RBMS3: variants seen among roughly 807,000 people sequenced by gnomAD.
RBMS3 encodes the protein RNA-binding motif, single-stranded-interacting protein 3.
A neutral mutation model predicts 66.8 loss-of-function variants in RBMS3; 27 were observed. That is an observed-to-expected ratio of 0.40 (90% CI 0.30 to 0.56). RBMS3 has a LOEUF of 0.56. Among genes scored for constraint, RBMS3 ranks in the 20% least tolerant of loss-of-function variants. The pLI, the probability that RBMS3 is intolerant of heterozygous loss-of-function variation, is 0.40. For missense variants in RBMS3, 513 were observed against 549.5 expected, an observed-to-expected ratio of 0.93 and a Z score of 0.66; for synonymous variants, 188 against 183.0, an observed-to-expected ratio of 1.03 and a Z score of -0.22.
intron 10 of RBMS3, among the ~76,000 whole-genome samples, chr3:29,905,315 T>C (rs951756461): frequency 7.2e-5 from 11 of 152,190 alleles, no homozygotes; most frequent in African/African-American, 1.7e-4. Context: ...TTAATCACTA[T>C]AGATTTAAAA....
chr3:29,903,405 G>T (rs886947174), intron 10 of RBMS3, among the ~76,000 whole-genome samples: 1 of 151,930 alleles, frequency 6.6e-6, no homozygotes, highest in Non-Finnish European at 1.5e-5. Context: ...AATGTAGTTG[G>T]TTATTTGCTT....
chr3:29,873,187 C>A (rs910808908), intron 7 of RBMS3, among the ~76,000 whole-genome samples: 4 of 152,044 alleles, frequency 2.6e-5, no homozygotes, highest in African/African-American at 9.7e-5. Flanking sequence ...GCAGTATGAC[C>A]ATTTTAATGA....
intron 1 of RBMS3, among the ~76,000 whole-genome samples, chr3:29,285,795 C>T (rs554546607): frequency 3.9e-5 from 6 of 152,236 alleles, no homozygotes; most frequent in Admixed American, 6.5e-5. Flanking sequence ...AATGAGCAAA[C>T]GCTTGAAAAC....
intron 4 of RBMS3, among the ~76,000 whole-genome samples, chr3:29,613,496 T>C (rs1007817360): frequency 6.6e-6 from 1 of 152,132 alleles, no homozygotes; most frequent in Non-Finnish European, 1.5e-5. Context: ...CTGGCTCAGT[T>C]GAAACACAGA....
At chr3:29,618,093 A>G (rs2048729814) in intron 4 of RBMS3, among the ~76,000 whole-genome samples, 2 of 152,218 alleles carry the variant, frequency 1.3e-5, no homozygotes, top group Non-Finnish European at 2.9e-5. Flanking sequence ...TTGTTTGGGT[A>G]AAAGAGATAG....
At chr3:29,342,743 G>A (rs1345300082) in intron 1 of RBMS3, among the ~76,000 whole-genome samples, 6 of 152,078 alleles carry the variant, frequency 3.9e-5, no homozygotes, top group South Asian at 2.1e-4. Context: ...AAACCTATAC[G>A]TAGTGGTTGA....
intron 8 of RBMS3, among the ~76,000 whole-genome samples, chr3:29,895,181 C>T (rs111484225): frequency 4.3e-4 from 65 of 151,542 alleles, no homozygotes; most frequent in Non-Finnish European, 6.8e-4. Context: ...GAGTGTTATT[C>T]GTCTTTGTTA....
chr3:29,929,545 A>G lies in RBMS3; in HGVS notation c.940-6541A>G, dbSNP rs184073750. ...TTAGGATTCTTTTAAAGGGATTTCC[A>G]TGGCTAAAACTAATTTGGCTTTAGT... On this transcript the variant is annotated intron_variant, in intron 10 of 14. Coordinates refer to ENST00000383767, the MANE Select transcript of RBMS3 (RefSeq NM_001003793.3). 7.2e-3 allele frequency among the ~76,000 whole-genome samples: 1,098 copies of G among 152,210 alleles called. 13 individuals are homozygous for G. Among genetic ancestry groups the G allele is most frequent in the African/African-American group, 0.025 (1,037 of 41,550 alleles).
At chr3:29,556,760 C>A (rs1475504064) in intron 3 of RBMS3, among the ~76,000 whole-genome samples, 1 of 152,144 alleles carries the variant, frequency 6.6e-6, no homozygotes, top group Non-Finnish European at 1.5e-5. Context: ...TGTGACTGTT[C>A]TTCCTAGGGC....
chr3:29,752,770 T>G (rs1395020808), intron 5 of RBMS3, among the ~76,000 whole-genome samples: 1 of 152,100 alleles, frequency 6.6e-6, no homozygotes, highest in Admixed American at 6.6e-5. Flanking sequence ...AAATTTACAA[T>G]CACAAAAACA....
intron 4 of RBMS3, among the ~76,000 whole-genome samples, chr3:29,729,309 G>T (rs549620765): frequency 6.6e-6 from 1 of 152,016 alleles, no homozygotes; most frequent in East Asian, 1.9e-4. Flanking sequence ...CCCTGAAAAG[G>T]ACATGAACTC....
intron 4 of RBMS3, among the ~76,000 whole-genome samples, chr3:29,720,104 C>CCGCTAG (rs58909026): frequency 0.35 from 52,939 of 151,766 alleles, 9,292 homozygotes; most frequent in East Asian, 0.44. Flanking sequence ...ATGCCATTAC[C>CCGCTAG]CGCTAGCTCC....
At chr3:29,992,489 G>A (rs1698951563) in intron 14 of RBMS3, among the ~76,000 whole-genome samples, 1 of 152,190 alleles carries the variant, frequency 6.6e-6, no homozygotes. Flanking sequence ...CTGGGGTCGG[G>A]GTGGGGGGCT....
chr3:29,408,642 T>C (rs1490866270), intron 1 of RBMS3, among the ~76,000 whole-genome samples: 1 of 152,192 alleles, frequency 6.6e-6, no homozygotes, highest in African/African-American at 2.4e-5. Flanking sequence ...ACTTTTTTTA[T>C]ATATATATTT....
intron 1 of RBMS3, among the ~76,000 whole-genome samples, chr3:29,414,515 C>T (rs927453748): frequency 7.2e-5 from 11 of 152,162 alleles, no homozygotes; most frequent in African/African-American, 2.7e-4. Flanking sequence ...CTTCCATTTT[C>T]TTGCTATTTA....
At chr3:29,308,749 A>AC (rs2034177759) in intron 1 of RBMS3, among the ~76,000 whole-genome samples, 1 of 32,938 alleles carries the variant, frequency 3.0e-5, no homozygotes, top group Non-Finnish European at 9.5e-5. Flanking sequence ...AAAAAAACAA[A>AC]AAAAAACAAA....
At chr3:29,735,294 G>A (rs912622599) in intron 4 of RBMS3, among the ~76,000 whole-genome samples, 14 of 152,086 alleles carry the variant, frequency 9.2e-5, no homozygotes, top group Admixed American at 6.6e-4. Context: ...CTGAGAAAAA[G>A]GAAGTCATTT....
chr3:29,674,138 A>G (rs2051130908), intron 4 of RBMS3, among the ~76,000 whole-genome samples: 1 of 152,170 alleles, frequency 6.6e-6, no homozygotes, highest in Non-Finnish European at 1.5e-5. Flanking sequence ...TATAAACAGA[A>G]CCAAAGACAA....
At chr3:29,366,172 A>C (rs141617530) in intron 1 of RBMS3, among the ~76,000 whole-genome samples, 1 of 152,286 alleles carries the variant, frequency 6.6e-6, no homozygotes, top group East Asian at 1.9e-4. Context: ...TATTTTTTTC[A>C]TATAAAGTGC....
Sources: allele counts gnomAD v4.1 joint callset (sites outside exome capture counted in the v4.1 genomes callset), GRCh38; gene constraint gnomAD v4.1.1; transcripts MANE v1.5; gene names NCBI Gene and HGNC (gene_info 2026-07-23, HGNC 2026-07-21).